SERAC1: variants seen among roughly 807,000 people sequenced by gnomAD.
SERAC1 encodes protein SERAC1.
SERAC1 carries 36 observed loss-of-function variants against 85.7 expected under a neutral mutation model. That is an observed-to-expected ratio of 0.42 (90% CI 0.32 to 0.55). SERAC1 has a LOEUF of 0.55. Among genes scored for constraint, SERAC1 ranks in the 20% least tolerant of loss-of-function variants. The pLI is 0.11. For missense variants in SERAC1, 629 were observed against 796.2 expected (o/e 0.79, Z 2.53); for synonymous variants, 242 against 265.3 (o/e 0.91, Z 0.85).
At chr6:158,135,704 A>G (rs1784777487) in intron 8 of SERAC1, among the ~76,000 whole-genome samples, 1 of 152,258 alleles carries the variant, frequency 6.6e-6, no homozygotes, top group Admixed American at 6.5e-5. Context: ...TGGCTCAGGC[A>G]GAAAAATATT....
At chr6:158,163,050 T>C (rs752194527) in intron 1 of SERAC1, among the ~76,000 whole-genome samples, 2 of 152,166 alleles carry the variant, frequency 1.3e-5, no homozygotes, top group Non-Finnish European at 2.9e-5. Flanking sequence ...GATGCCTAGG[T>C]TAGTCTGCTG....
intron 3 of SERAC1, among the ~76,000 whole-genome samples, chr6:158,153,941 G>A (rs1466512211): frequency 1.3e-5 from 2 of 151,560 alleles, no homozygotes; most frequent in South Asian, 2.1e-4. Context: ...GACTAGCCTG[G>A]GCAACATGGC....
intron 2 of SERAC1, 101 bp from the exon 3 acceptor site, chr6:158,155,452 TAAG>T (rs1203749582): frequency 6.2e-6 from 4 of 649,414 alleles, no homozygotes; most frequent in South Asian, 2.0e-5. Context: ...TATTATCAGA[TAAG>T]AAGTTATTAT....
chr6:158,159,782 A>G (rs991803378), intron 1 of SERAC1, among the ~76,000 whole-genome samples: 1 of 151,768 alleles, frequency 6.6e-6, no homozygotes, highest in African/African-American at 2.4e-5. Context: ...CCACCACCAC[A>G]CTCAACTAAT....
rs752423989 is a variant in SERAC1 at position 158,120,522 on chromosome 6, AGG to A, written c.1067_1068del (p.Ser356PhefsTer37). ...EAMKSPHIMESSHAARILANL... is the reference protein window; with the variant it reads ...EAMKSPHIMEXSHAARILANL... Reference sequence around the variant, plus strand: ...TTTGCCAGGATTCTGGCAGCGTGTGAGGACTCCATAATGTGGGGAGATTTCAT... The same window carrying A: ...TTTGCCAGGATTCTGGCAGCGTGTGAACTCCATAATGTGGGGAGATTTCAT... On this transcript the variant is annotated frameshift_variant, in exon 11 of 17. Coordinates refer to ENST00000647468, the MANE Select transcript of SERAC1 (RefSeq NM_032861.4). LOFTEE classifies it high-confidence loss of function. The surrounding 1 kb of genome is among the most constrained non-coding windows in gnomAD (Gnocchi z 4.4). The A allele has an allele frequency of 6.2e-7, 1 of 1,614,028 alleles. No homozygotes were observed. Among genetic ancestry groups the A allele is most frequent in the Non-Finnish European group, 8.5e-7 (1 of 1,179,968 alleles).
intron 10 of SERAC1, among the ~76,000 whole-genome samples, chr6:158,125,563 T>A (rs1156324441): frequency 6.6e-6 from 1 of 152,230 alleles, no homozygotes; most frequent in East Asian, 1.9e-4. Flanking sequence ...AAAGCAACTA[T>A]TATAAATAAC....
intron 5 of SERAC1, among the ~76,000 whole-genome samples, chr6:158,148,541 C>T (rs1387711177): frequency 6.6e-6 from 1 of 152,042 alleles, no homozygotes; most frequent in Non-Finnish European, 1.5e-5. Flanking sequence ...CTCCTGAGTT[C>T]AAGTCATTCT....
chr6:158,116,484 C>T, intron 13 of SERAC1: 3 of 527,058 alleles, frequency 5.7e-6, no homozygotes, highest in Admixed American at 6.3e-5. Flanking sequence ...GGAATCCTCC[C>T]ACCTCGGCCT....
At chr6:158,114,738 T>C in intron 15 of SERAC1, 51 bp downstream of exon 15, 1 of 870,178 alleles carries the variant, frequency 1.1e-6, no homozygotes, top group Non-Finnish European at 1.7e-6. Context: ...TTCTTCTCTG[T>C]GTAACTGATG....
chr6:158,121,917 A>AACTT (rs1016208695), intron 10 of SERAC1, among the ~76,000 whole-genome samples: 10 of 152,226 alleles, frequency 6.6e-5, no homozygotes, highest in African/African-American at 2.2e-4. Context: ...CCCTTTGGAA[A>AACTT]ACTTACTTCT....
At chr6:158,155,178 G>T (rs888108107) in intron 3 of SERAC1, 137 bp downstream of exon 3, 6 of 601,318 alleles carry the variant, frequency 1.0e-5, no homozygotes, top group African/African-American at 9.3e-5. Flanking sequence ...TAAGTGGTGG[G>T]ATCAGTGATT....
intron 9 of SERAC1, 91 bp from the exon 10 acceptor site, chr6:158,128,361 C>T (rs1784596077): frequency 7.7e-7 from 1 of 1,292,770 alleles, no homozygotes; most frequent in Non-Finnish European, 1.1e-6. Context: ...AGCTAGGTAG[C>T]TCCCACTCAA....
intron 10 of SERAC1, among the ~76,000 whole-genome samples, chr6:158,122,471 A>C (rs1442452606): frequency 6.6e-6 from 1 of 152,196 alleles, no homozygotes; most frequent in Non-Finnish European, 1.5e-5. Context: ...AAATATAGTC[A>C]TATATCTATA....
chr6:158,147,695 G>A lies in SERAC1; in HGVS notation c.356-782C>T, dbSNP rs368075225. Among the ~76,000 whole-genome samples, 35 of 145,424 alleles carry A rather than the reference G, an allele frequency of 2.4e-4. No individual in the cohort carries two copies. The South Asian group carries it at 3.7e-3, about 15-fold the overall frequency. On this transcript the variant is annotated intron_variant, in intron 5 of 16. Transcript: ENST00000647468. Reference sequence around the variant, plus strand: ...TGAGGCAGGAGAATGGCGTGAACCCGGGAGGCAGAGCTTGCAGTGAGCAGA... The same window carrying A: ...TGAGGCAGGAGAATGGCGTGAACCCAGGAGGCAGAGCTTGCAGTGAGCAGA...
At chr6:158,148,773 T>C in intron 5 of SERAC1, 92 bp downstream of exon 5, 1 of 888,470 alleles carries the variant, frequency 1.1e-6, no homozygotes, top group South Asian at 1.9e-5. Context: ...TAAAAAATAT[T>C]AGTATAAGAA....
intron 6 of SERAC1, among the ~76,000 whole-genome samples, chr6:158,145,525 T>TC (rs1367613624): frequency 1.3e-5 from 2 of 149,826 alleles, no homozygotes; most frequent in Non-Finnish European, 3.0e-5. Context: ...AATTTTTCTT[T>TC]TTTTTTTTTT....
rs114013313 is a variant in SERAC1 at position 158,149,791 on chromosome 6, T to C, written c.265+662A>G. Reference sequence around the variant, plus strand: ...AGGCGAGCAGCAGAGCCTGCCTCACTTGAGGAACATCATGTTAACTGGCAC... The same window carrying C: ...AGGCGAGCAGCAGAGCCTGCCTCACCTGAGGAACATCATGTTAACTGGCAC... On this transcript the variant is annotated intron_variant, in intron 4 of 16. Coordinates refer to ENST00000647468, the MANE Select transcript of SERAC1 (RefSeq NM_032861.4). 7.0e-3 allele frequency among the ~76,000 whole-genome samples: 1,065 copies of C among 152,316 alleles called. 12 individuals carry two copies. Among genetic ancestry groups the C allele is most frequent in the African/African-American group, 0.024 (1,010 of 41,576 alleles).
At position 158,109,868 on chromosome 6, in the gene SERAC1, A is replaced by C. The variant is rs1784101801; in HGVS notation, c.*1498T>G. ...ATGCTATATCATGAATGAACCTTGA[A>C]AACATGCTAATAGAAGGAAGAAGGC... On this transcript the variant is annotated 3_prime_UTR_variant, in exon 17 of 17. Coordinates refer to ENST00000647468, the MANE Select transcript of SERAC1 (RefSeq NM_032861.4). 1 of 152,046 alleles carries C rather than the reference A, an allele frequency of 6.6e-6. No homozygotes were observed. Among genetic ancestry groups the C allele is most frequent in the Non-Finnish European group, 1.5e-5 (1 of 67,996 alleles). 9.4% of individuals were successfully genotyped at this position (152,046 alleles called of 1,614,324 possible).
chr6:158,114,753 TA>T (rs1784238203), intron 15 of SERAC1, 35 bp downstream of exon 15: 1 of 1,611,206 alleles, frequency 6.2e-7, no homozygotes, highest in African/African-American at 1.3e-5. Flanking sequence ...CTGATGTTAA[TA>T]TAACCCCAAT....
Sources: gnomAD v4.1 joint callset for allele counts (sites outside exome capture counted in the v4.1 genomes callset) on GRCh38, gnomAD v4.1.1 for gene constraint, Gnocchi (gnomAD v3.1) non-coding constraint, MANE v1.5 for transcripts, NCBI Gene and HGNC (gene_info 2026-07-23, HGNC 2026-07-21) for gene names.